Variants in FOXP1 observed in about 807,000 individuals in gnomAD.
FOXP1 encodes forkhead box P1, also known as forkhead box protein P1.
Under a neutral mutation model 98.2 loss-of-function variants are expected in FOXP1, and 15 were observed. That is an observed-to-expected ratio of 0.15 (90% CI 0.10 to 0.24). The LOEUF (loss-of-function observed/expected upper bound fraction) is 0.24, where lower values mean the gene tolerates loss of function less well. FOXP1 is among the 10% of genes least tolerant of loss of function. The pLI is 1.00. For missense variants in FOXP1, 633 were observed against 848.5 expected (o/e 0.75, Z 3.15); for synonymous variants, 371 against 314.5 (o/e 1.18, Z -1.90).
intron 7 of FOXP1, among the ~76,000 whole-genome samples, chr3:71,110,098 A>G (rs1417921971): frequency 6.6e-6 from 1 of 152,150 alleles, no homozygotes; most frequent in East Asian, 1.9e-4. Context: ...GGAGCCCTCT[A>G]TATCATCCAC....
intron 18 of FOXP1, chr3:70,972,084 G>T: frequency 6.5e-7 from 1 of 1,528,298 alleles, no homozygotes; most frequent in Non-Finnish European, 8.7e-7. Context: ...TGGCGGCCAC[G>T]TTTAAACTCT....
intron 5 of FOXP1, among the ~76,000 whole-genome samples, chr3:71,207,551 C>G (rs2064140987): frequency 1.3e-5 from 2 of 152,202 alleles, no homozygotes; most frequent in East Asian, 1.9e-4. Context: ...GAAACTTGCT[C>G]TCACAGACAG....
chr3:71,553,413 T>C lies in FOXP1; in HGVS notation c.-298+28136A>G, dbSNP rs753766500. 3.9e-5 allele frequency among the ~76,000 whole-genome samples: 6 copies of C among 152,200 alleles called. No individual in the cohort carries two copies. The East Asian group carries it at 7.7e-4, about 19-fold the overall frequency. On this transcript the variant is annotated intron_variant, in intron 2 of 20. Coordinates refer to ENST00000649528, the MANE Select transcript of FOXP1 (RefSeq NM_001349338.3). ...GGAATTCACATTATCTGATTTAAAA[T>C]AGGAGTTCCATCAAAAGCTTCTTCC... is the stretch of plus-strand genomic sequence containing the variant.
chr3:71,418,596 TA>T (rs1197351631), intron 3 of FOXP1, among the ~76,000 whole-genome samples: 7 of 152,164 alleles, frequency 4.6e-5, no homozygotes, highest in African/African-American at 1.7e-4. Context: ...AAAGAGCTAA[TA>T]GGGGAAGAAA....
chr3:71,329,880 C>A (rs1307465873), intron 4 of FOXP1: 1 of 152,050 alleles, frequency 6.6e-6, no homozygotes, highest in Non-Finnish European at 1.5e-5. Flanking sequence ...TATTAACATG[C>A]GAGTGTTCAT....
chr3:71,485,214 A>T (rs2090561086), intron 3 of FOXP1, among the ~76,000 whole-genome samples: 2 of 152,188 alleles, frequency 1.3e-5, no homozygotes, highest in East Asian at 3.8e-4. Context: ...ATCAACGACT[A>T]GATTAGACAG....
At chr3:71,556,272 A>G (rs1355637238) in intron 2 of FOXP1, among the ~76,000 whole-genome samples, 1 of 152,174 alleles carries the variant, frequency 6.6e-6, no homozygotes, top group East Asian at 1.9e-4. Context: ...CCAGAATTCT[A>G]TACCATCTTT....
At chr3:71,042,875 C>G (rs1036133829) in intron 10 of FOXP1, among the ~76,000 whole-genome samples, 1 of 152,208 alleles carries the variant, frequency 6.6e-6, no homozygotes, top group Non-Finnish European at 1.5e-5. Context: ...AACATCTTTA[C>G]TTTGCTAAAC....
intron 2 of FOXP1, among the ~76,000 whole-genome samples, chr3:71,556,414 A>G (rs1193969890): frequency 1.3e-5 from 2 of 151,946 alleles, no homozygotes; most frequent in Non-Finnish European, 2.9e-5. Context: ...TGTCTCTACT[A>G]AAAACACAAA....
chr3:71,564,092 C>G (rs1559535671), intron 2 of FOXP1, among the ~76,000 whole-genome samples: 1 of 152,186 alleles, frequency 6.6e-6, no homozygotes, highest in Non-Finnish European at 1.5e-5. Flanking sequence ...ATAAAAAACC[C>G]AGCAAAACCG....
chr3:70,966,233 C>G (rs2034739734), intron 19 of FOXP1, 177 bp from the exon 20 acceptor site: 1 of 660,662 alleles, frequency 1.5e-6, no homozygotes, highest in Admixed American at 2.2e-5. Context: ...GGCACCTGTC[C>G]CAAGCTTGGT....
At chr3:70,960,425 G>A (rs2033088947) in intron 20 of FOXP1, among the ~76,000 whole-genome samples, 14 of 152,200 alleles carry the variant, frequency 9.2e-5, no homozygotes, top group Admixed American at 9.2e-4. Flanking sequence ...TTCACCCAAA[G>A]GGGACTGGGG....
chr3:71,358,562 T>C (rs2078330009), intron 4 of FOXP1, among the ~76,000 whole-genome samples: 1 of 152,202 alleles, frequency 6.6e-6, no homozygotes, highest in African/African-American at 2.4e-5. Context: ...ACACCATCTT[T>C]CAAGGTAGTA....
At chr3:71,234,417 C>CT (rs1417667765) in intron 5 of FOXP1, among the ~76,000 whole-genome samples, 8 of 152,206 alleles carry the variant, frequency 5.3e-5, no homozygotes, top group Non-Finnish European at 1.0e-4. Flanking sequence ...TGTCCTCTGC[C>CT]TTCACCCTTG....
chr3:71,548,771 C>G (rs540646109), intron 2 of FOXP1, among the ~76,000 whole-genome samples: 7 of 151,716 alleles, frequency 4.6e-5, no homozygotes, highest in Non-Finnish European at 8.8e-5. Context: ...TTTACCCCCC[C>G]AAAAGAAATG....
rs190877396 is a variant in FOXP1, at chr3:71,252,779, A to G, written c.-12+47041T>C. On this transcript the variant is annotated intron_variant, in intron 5 of 20. Transcript: ENST00000649528. ...GAAAACCTGGTCCCACAGTAGGGAA[A>G]TGGTTACACATGTGGCCTCAACTGC... Among the ~76,000 whole-genome samples the G allele has an allele frequency of 1.9e-3, 286 of 152,356 alleles. 1 individual carries two copies. Among genetic ancestry groups the G allele is most frequent in the African/African-American group, 6.4e-3 (267 of 41,596 alleles).
intron 6 of FOXP1, among the ~76,000 whole-genome samples, chr3:71,171,829 A>G (rs1046561212): frequency 2.0e-5 from 3 of 152,356 alleles, no homozygotes; most frequent in East Asian, 1.9e-4. Flanking sequence ...CTTTAACCCT[A>G]TCTTACAGAT....
intron 6 of FOXP1, among the ~76,000 whole-genome samples, chr3:71,185,697 C>T (rs2062604943): frequency 6.6e-6 from 1 of 152,170 alleles, no homozygotes; most frequent in African/African-American, 2.4e-5. Context: ...AAGTGCAAAT[C>T]CAAACTTACT....
At chr3:71,555,081 T>C (rs1420762885) in intron 2 of FOXP1, among the ~76,000 whole-genome samples, 1 of 152,224 alleles carries the variant, frequency 6.6e-6, no homozygotes, top group Admixed American at 6.5e-5. Context: ...TTTTAAACTT[T>C]ACCAAATGAT....
Sources: allele counts gnomAD v4.1 joint callset (sites outside exome capture counted in the v4.1 genomes callset), GRCh38; gene constraint gnomAD v4.1.1; transcripts MANE v1.5; gene names NCBI Gene and HGNC (gene_info 2026-07-23, HGNC 2026-07-21).